GPBP1: variants seen among roughly 807,000 people sequenced by gnomAD.
GPBP1 encodes the protein vasculin.
GPBP1 carries 13 observed loss-of-function variants against 56.5 expected under a neutral mutation model. The ratio of observed to expected loss-of-function variants is 0.23; its 90% CI spans 0.15 to 0.37. The LOEUF is 0.37. Among genes scored for constraint, GPBP1 ranks in the 10% least tolerant of loss-of-function variants. The pLI is 1.00. For synonymous variants in GPBP1, 204 were observed against 188.9 expected (o/e 1.08, Z -0.66); for missense variants, 477 against 572.3 (o/e 0.83, Z 1.70).
chr5:57,224,326 T>G (rs905050501), intron 3 of GPBP1, among the ~76,000 whole-genome samples: 1 of 151,718 alleles, frequency 6.6e-6, no homozygotes, highest in Non-Finnish European at 1.5e-5. Flanking sequence ...CACTGCAGCC[T>G]TTGCCTCCCA....
chr5:57,255,759 A>G (rs1159405791), intron 10 of GPBP1, among the ~76,000 whole-genome samples: 1 of 152,222 alleles, frequency 6.6e-6, no homozygotes, highest in African/African-American at 2.4e-5. Context: ...ATAACCCCTA[A>G]TAGACATATC....
intron 2 of GPBP1, among the ~76,000 whole-genome samples, chr5:57,177,215 T>A (rs1753822621): frequency 6.6e-6 from 1 of 152,150 alleles, no homozygotes; most frequent in African/African-American, 2.4e-5. Context: ...ATAATAGAAA[T>A]TGTTTTGACA....
chr5:57,256,520 TTAAACTA>T (rs1741671389), intron 10 of GPBP1, among the ~76,000 whole-genome samples: 1 of 152,152 alleles, frequency 6.6e-6, no homozygotes. Flanking sequence ...ACCATATAGT[TTAAACTA>T]TAAAAAGAGA....
intron 2 of GPBP1, among the ~76,000 whole-genome samples, chr5:57,204,350 A>G (rs1482911937): frequency 6.6e-6 from 1 of 152,072 alleles, no homozygotes; most frequent in African/African-American, 2.4e-5. Context: ...CCCAGGCCCA[A>G]ACCATCCTCT....
At position 57,187,077 on chromosome 5, in the gene GPBP1, G is replaced by T. The variant is rs145676747; in HGVS notation, c.-58+10677G>T. On this transcript the variant is annotated intron_variant, in intron 2 of 11. Transcript: ENST00000506184. ...ATGTATTATGCTAATTCTATGGAATGCTAGTCCATAAATAAAATAGTATTT... is the reference window on the plus strand; with the variant it reads ...ATGTATTATGCTAATTCTATGGAATTCTAGTCCATAAATAAAATAGTATTT... Among the ~76,000 whole-genome samples the T allele has an allele frequency of 3.1e-3, 477 of 151,716 alleles. 4 individuals are homozygous for T. The highest frequency in any genetic ancestry group is 0.011 in the African/African-American group (456 of 41,392).
Position 57,263,055 on chromosome 5 carries a change from A to C in GPBP1, c.*303A>C, listed in dbSNP as rs1432233763. On this transcript the variant is annotated 3_prime_UTR_variant, in exon 12 of 12. Coordinates refer to ENST00000506184, the MANE Select transcript of GPBP1 (RefSeq NM_022913.4). ...TGTAACAAATGAGATTTTCTCATTT[A>C]ATAATAAAAAATTGTGTAATGTTTT... 1.9e-5 allele frequency: 4 copies of C among 206,008 alleles called. No individual in the cohort carries two copies. The highest frequency in any genetic ancestry group is 1.1e-4 in the Admixed American group (2 of 17,430). The allele number at this position is 206,008 out of a possible 1,614,324, so 12.8% of individuals were successfully genotyped here. A position where few individuals can be genotyped will look rare whatever the true frequency, so the allele number is the denominator to read the frequency against.
chr5:57,177,555 C>T (rs1753839622), intron 2 of GPBP1, among the ~76,000 whole-genome samples: 1 of 151,748 alleles, frequency 6.6e-6, no homozygotes, highest in African/African-American at 2.4e-5. Flanking sequence ...CTCACTGCAG[C>T]CTCCGCCTCC....
intron 10 of GPBP1, among the ~76,000 whole-genome samples, chr5:57,252,454 G>A (rs537981626): frequency 6.6e-6 from 1 of 151,932 alleles, no homozygotes; most frequent in Non-Finnish European, 1.5e-5. Flanking sequence ...GCAGTGGTGC[G>A]GTATTAGCTC....
chr5:57,209,557 G>A (rs1755385776), intron 2 of GPBP1, among the ~76,000 whole-genome samples: 1 of 152,164 alleles, frequency 6.6e-6, no homozygotes, highest in Non-Finnish European at 1.5e-5. Context: ...GGGCATTCTT[G>A]TCTTGTTCCT....
intron 3 of GPBP1, among the ~76,000 whole-genome samples, chr5:57,219,585 A>C (rs1358407814): frequency 6.6e-6 from 1 of 151,972 alleles, no homozygotes; most frequent in Non-Finnish European, 1.5e-5. Flanking sequence ...GGGTCCCTGG[A>C]ATTCCCCTGT....
intron 5 of GPBP1, among the ~76,000 whole-genome samples, chr5:57,232,650 A>C (rs572113270): frequency 5.3e-5 from 8 of 152,216 alleles, no homozygotes; most frequent in Non-Finnish European, 1.2e-4. Flanking sequence ...CAAATACAGA[A>C]TGTGAAGTCC....
At chr5:57,256,432 C>T (rs906439584) in intron 10 of GPBP1, among the ~76,000 whole-genome samples, 76 of 151,822 alleles carry the variant, frequency 5.0e-4, no homozygotes, top group Non-Finnish European at 1.0e-4. Context: ...ACATTGTTTT[C>T]GTCTTTTTAA....
At chr5:57,234,714 A>C (rs1488170974) in intron 5 of GPBP1, among the ~76,000 whole-genome samples, 1 of 152,220 alleles carries the variant, frequency 6.6e-6, no homozygotes, top group South Asian at 2.1e-4. Context: ...GATGGATTTG[A>C]TGTGCAATCA....
At chr5:57,176,948 T>A (rs1042494488) in intron 2 of GPBP1, among the ~76,000 whole-genome samples, 11 of 152,218 alleles carry the variant, frequency 7.2e-5, no homozygotes, top group Admixed American at 5.9e-4. Flanking sequence ...GTTCCTAACA[T>A]ATTAATCCGT....
chr5:57,187,452 A>G (rs1754340835), intron 2 of GPBP1, among the ~76,000 whole-genome samples: 1 of 152,146 alleles, frequency 6.6e-6, no homozygotes, highest in South Asian at 2.1e-4. Flanking sequence ...GCCTCAGGAA[A>G]TGTTTGAGTG....
rs949346295 is a variant in GPBP1 at position 57,176,183 on chromosome 5, C to T, written c.-275C>T. 6 of 394,042 alleles carry T rather than the reference C, an allele frequency of 1.5e-5. No homozygotes were observed. The highest frequency in any genetic ancestry group is 2.7e-5 in the Non-Finnish European group (6 of 223,912). 24.4% of individuals were successfully genotyped at this position (394,042 alleles called of 1,614,324 possible). A position where few individuals can be genotyped will look rare whatever the true frequency, so the allele number is the denominator to read the frequency against. On this transcript the variant is annotated 5_prime_UTR_variant, in exon 2 of 12. Transcript: ENST00000506184. ...AATAAAGAAGACTTTGATCTTAAATCTAAAGAACTTGGCTAATTCGGGAGA... is the reference window on the plus strand; with the variant it reads ...AATAAAGAAGACTTTGATCTTAAATTTAAAGAACTTGGCTAATTCGGGAGA...
At chr5:57,215,261 G>A (rs1043778209) in intron 3 of GPBP1, among the ~76,000 whole-genome samples, 3 of 152,154 alleles carry the variant, frequency 2.0e-5, no homozygotes, top group African/African-American at 7.2e-5. Context: ...AGTCCCTGCT[G>A]TACTCATTTT....
intron 2 of GPBP1, among the ~76,000 whole-genome samples, chr5:57,211,117 T>C (rs1238165030): frequency 6.6e-6 from 1 of 151,896 alleles, no homozygotes; most frequent in Non-Finnish European, 1.5e-5. Flanking sequence ...TTAATTAGCC[T>C]TTATATACTT....
chr5:57,181,019 T>C lies in GPBP1; in HGVS notation c.-58+4619T>C, dbSNP rs73127749. 4.7e-3 allele frequency among the ~76,000 whole-genome samples: 717 copies of C among 152,290 alleles called. 2 individuals are homozygous for C. The highest frequency in any genetic ancestry group is 0.016 in the African/African-American group (685 of 41,564). ...AACAAATTTAAATATGGCTTTAAAA[T>C]ATAGTTTGAAAACTGAATTAAGAAT... On this transcript the variant is annotated intron_variant, in intron 2 of 11. Transcript: ENST00000506184.
Sources: allele counts gnomAD v4.1 joint callset (sites outside exome capture counted in the v4.1 genomes callset), GRCh38; gene constraint gnomAD v4.1.1; transcripts MANE v1.5; gene names NCBI Gene and HGNC (gene_info 2026-07-23, HGNC 2026-07-21).